The following CFAP20DC variants were observed in gnomAD, a reference collection of about 807,000 sequenced individuals.
CFAP20DC encodes the protein protein CFAP20DC.
CFAP20DC carries 84 observed loss-of-function variants against 101.7 expected under a neutral mutation model. That is an observed-to-expected ratio of 0.83 (90% CI 0.69 to 0.99). CFAP20DC has a LOEUF of 0.99. Ranked by LOEUF, CFAP20DC falls within the 50% of genes least tolerant of loss-of-function variation. The probability of loss-of-function intolerance (pLI) is 0.00; values close to 1 mark genes in which losing one functional copy is unlikely to be tolerated. For missense variants in CFAP20DC, 1,007 were observed against 970.3 expected (o/e 1.04, Z -0.50); for synonymous variants, 359 against 351.2 (o/e 1.02, Z -0.25).
At chr3:58,834,648 C>T (rs2108087398) in intron 13 of CFAP20DC, among the ~76,000 whole-genome samples, 1 of 152,212 alleles carries the variant, frequency 6.6e-6, no homozygotes, top group South Asian at 2.1e-4. Context: ...ATTACCTAAC[C>T]TCTCTATGCA....
intron 14 of CFAP20DC, among the ~76,000 whole-genome samples, chr3:58,817,265 G>C (rs1423940616): frequency 1.2e-4 from 19 of 152,202 alleles, no homozygotes; most frequent in African/African-American, 3.9e-4. Flanking sequence ...AGTTCCTCAA[G>C]AGCAACGGAA....
At chr3:59,021,090 A>T (rs1373165481) in intron 4 of CFAP20DC, among the ~76,000 whole-genome samples, 1 of 152,090 alleles carries the variant, frequency 6.6e-6, no homozygotes, top group Admixed American at 6.5e-5. Context: ...AGATGGAAAC[A>T]GTCCAGGTTC....
intron 5 of CFAP20DC, among the ~76,000 whole-genome samples, chr3:58,932,647 C>A (rs960462744): frequency 2.0e-4 from 31 of 152,222 alleles, no homozygotes; most frequent in African/African-American, 7.2e-4. Flanking sequence ...GAATTTTCAA[C>A]CCAGAATTTC....
chr3:58,858,581 T>G (rs1193933725), intron 12 of CFAP20DC, among the ~76,000 whole-genome samples: 1 of 152,206 alleles, frequency 6.6e-6, no homozygotes, highest in Non-Finnish European at 1.5e-5. Context: ...AGAACTCTAT[T>G]TAGCCTTTGT....
At position 58,729,688 on chromosome 3, in the gene CFAP20DC, T is replaced by C. The variant is rs2067607432; in HGVS notation, c.198-12060A>G. On this transcript the variant is annotated intron_variant, in intron 3 of 3. Transcript: ENST00000486145. The surrounding 1 kb of genome is among the most constrained non-coding windows in gnomAD (Gnocchi z 4.4). ...GTATAAGCTTTTTAGTTGTTCCCAA[T>C]GCAAGGCCTGGTCTATACCAAATTA... 6.6e-6 allele frequency among the ~76,000 whole-genome samples: 1 copy of C among 152,190 alleles called. No individual in the cohort carries two copies. Among genetic ancestry groups the C allele is most frequent in the African/African-American group, 2.4e-5 (1 of 41,436 alleles).
Position 59,027,222 on chromosome 3 carries a change from C to G in CFAP20DC, c.278+12335G>C, listed in dbSNP as rs188114986. Among the ~76,000 whole-genome samples, 73 of 152,294 alleles carry G rather than the reference C, an allele frequency of 4.8e-4. 1 individual carries two copies. The highest frequency in any genetic ancestry group is 1.7e-3 in the African/African-American group (72 of 41,574). On this transcript the variant is annotated intron_variant, in intron 4 of 16. Transcript: ENST00000482387. ...TCAGAATACTGCTATGCAAGGATCACAAAGGATCAGTTAAAATTTGTAAGG... is the reference window on the plus strand; with the variant it reads ...TCAGAATACTGCTATGCAAGGATCAGAAAGGATCAGTTAAAATTTGTAAGG...
intron 3 of CFAP20DC, chr3:58,734,445 A>G (rs1302932162): frequency 4.7e-6 from 2 of 427,986 alleles, no homozygotes; most frequent in Admixed American, 2.6e-5. Flanking sequence ...TAATAATCAC[A>G]CCAGTGAACA....
intron 5 of CFAP20DC, among the ~76,000 whole-genome samples, chr3:58,935,619 G>A (rs931025673): frequency 4.6e-5 from 7 of 151,990 alleles, no homozygotes; most frequent in East Asian, 1.9e-4. Flanking sequence ...AAATAACGCC[G>A]CATATCTACA....
intron 13 of CFAP20DC, among the ~76,000 whole-genome samples, chr3:58,838,468 T>C (rs1010206401): frequency 6.6e-6 from 1 of 152,186 alleles, no homozygotes; most frequent in Non-Finnish European, 1.5e-5. Flanking sequence ...CTTAAGAATG[T>C]CTCAGGTAGA....
At chr3:58,845,804 G>T (rs949507285) in intron 13 of CFAP20DC, among the ~76,000 whole-genome samples, 12 of 150,442 alleles carry the variant, frequency 8.0e-5, no homozygotes, top group Non-Finnish European at 1.8e-4. Context: ...ACATCAAAAA[G>T]CTTATCCACC....
At chr3:58,796,970 CGGTTTGTATTCTGACTAATTCCACTTGA>C (rs1345972080) in intron 15 of CFAP20DC, among the ~76,000 whole-genome samples, 2 of 152,102 alleles carry the variant, frequency 1.3e-5, no homozygotes, top group African/African-American at 4.8e-5. Flanking sequence ...TTAGTAAATG[CGGTTTGTATTCTGACTAATTCCACTTGA>C]TCAACCATTC....
Position 58,806,475 on chromosome 3 carries a change from T to C in CFAP20DC, c.2176-19A>G. 6.3e-7 allele frequency: 1 copy of C among 1,586,866 alleles called. No homozygotes were observed. The highest frequency in any genetic ancestry group is 8.7e-7 in the Non-Finnish European group (1 of 1,155,202). On this transcript the variant is annotated intron_variant, in intron 14 of 16. Coordinates refer to ENST00000482387, the MANE Select transcript of CFAP20DC (RefSeq NM_001394063.1). ...TGACAGGCTGGAAAAGACAAAACAT[T>C]TGTGAATGTTTAATCAGCACAAAGC...
intron 13 of CFAP20DC, among the ~76,000 whole-genome samples, chr3:58,837,488 C>T (rs2108124066): frequency 6.6e-6 from 1 of 152,190 alleles, no homozygotes; most frequent in Middle Eastern, 3.4e-3. Context: ...CACAGTGGGG[C>T]TTCTGGGGTA....
At chr3:58,840,391 T>C (rs1483094952) in intron 13 of CFAP20DC, among the ~76,000 whole-genome samples, 2 of 152,188 alleles carry the variant, frequency 1.3e-5, no homozygotes, top group African/African-American at 4.8e-5. Context: ...AGCAGGAAGC[T>C]ACACATCTGC....
In CFAP20DC at chr3:58,980,148, C is replaced by G. The variant is rs573162491; in HGVS notation, c.279-42386G>C. Among the ~76,000 whole-genome samples the G allele has an allele frequency of 3.9e-5, 6 of 152,260 alleles. No individual in the cohort carries two copies. The South Asian group carries it at 1.2e-3, about 32-fold the overall frequency. On this transcript the variant is annotated intron_variant, in intron 4 of 16. Transcript: ENST00000482387. ...ATATATCCCTTCTTAAATTCAATGC[C>G]ATTGGCTTCCCACTACCGAGCTTGA...
At chr3:58,849,543 T>A (rs2078035560) in intron 12 of CFAP20DC, 134 bp from the exon 13 acceptor site, 4 of 678,154 alleles carry the variant, frequency 5.9e-6, no homozygotes, top group Non-Finnish European at 9.3e-6. Flanking sequence ...TTTACTTTAA[T>A]CTGCAAAGAA....
chr3:58,946,113 AT>A (rs57865077), intron 4 of CFAP20DC, among the ~76,000 whole-genome samples: 7,023 of 123,770 alleles, frequency 0.057, 369 homozygotes, highest in African/African-American at 0.21. Flanking sequence ...AACTGCCCCA[AT>A]TTTTTTTTTT....
At chr3:58,752,921 C>T (rs2068675701) in intron 16 of CFAP20DC, among the ~76,000 whole-genome samples, 1 of 152,116 alleles carries the variant, frequency 6.6e-6, no homozygotes, top group Admixed American at 6.5e-5. Context: ...TCAGATATAA[C>T]ATTTCTATCT....
intron 6 of CFAP20DC, among the ~76,000 whole-genome samples, chr3:58,906,975 G>T (rs1472118266): frequency 1.3e-5 from 2 of 151,980 alleles, no homozygotes; most frequent in Non-Finnish European, 2.9e-5. Flanking sequence ...AAACTTCTTA[G>T]GTCAGTATCT....
Sources: allele counts gnomAD v4.1 joint callset (sites outside exome capture counted in the v4.1 genomes callset), GRCh38; gene constraint gnomAD v4.1.1; non-coding constraint Gnocchi (gnomAD v3.1); transcripts MANE v1.5; gene names NCBI Gene and HGNC (gene_info 2026-07-23, HGNC 2026-07-21).